The following OXR1 variants were observed in gnomAD, a reference collection of about 807,000 sequenced individuals.
OXR1 encodes the protein oxidation resistance 1.
A neutral mutation model predicts 104.6 loss-of-function variants in OXR1; 41 were observed. The ratio of observed to expected loss-of-function variants is 0.39; its 90% CI spans 0.31 to 0.51. OXR1 has a LOEUF of 0.51. OXR1 is among the 20% of genes least tolerant of loss of function. The pLI is 0.77. For missense variants in OXR1, 955 were observed against 1,031.9 expected (o/e 0.93, Z 1.02); for synonymous variants, 348 against 348.4 (o/e 1.00, Z 0.01).
chr8:106,342,423 T>G (rs1232113312), intron 1 of OXR1, among the ~76,000 whole-genome samples: 1 of 151,930 alleles, frequency 6.6e-6, no homozygotes, highest in Non-Finnish European at 1.5e-5. Flanking sequence ...GCTAATTTTT[T>G]TTTGTAATTT....
chr8:106,348,892 A>C (rs1192051638), intron 1 of OXR1, among the ~76,000 whole-genome samples: 4 of 152,206 alleles, frequency 2.6e-5, no homozygotes, highest in Non-Finnish European at 1.5e-5. Flanking sequence ...CCCAAGCGTA[A>C]TAGTTAGGTT....
At chr8:106,736,358 T>C (rs1834376312) in intron 11 of OXR1, among the ~76,000 whole-genome samples, 1 of 152,216 alleles carries the variant, frequency 6.6e-6, no homozygotes, top group African/African-American at 2.4e-5. Flanking sequence ...CAAGTTTACA[T>C]AGCTTTTCAT....
At chr8:106,724,202 G>A (rs917809047) in intron 11 of OXR1, among the ~76,000 whole-genome samples, 3 of 152,066 alleles carry the variant, frequency 2.0e-5, no homozygotes, top group African/African-American at 7.2e-5. Flanking sequence ...TAAAGGAAAA[G>A]GATTATTAAA....
chr8:106,293,092 CAGA>C (rs1323604404), intron 1 of OXR1, among the ~76,000 whole-genome samples: 3 of 152,120 alleles, frequency 2.0e-5, no homozygotes, highest in Admixed American at 2.0e-4. Context: ...TGGTAGTACA[CAGA>C]AGATTTACTG....
chr8:106,749,497 T>C (rs1835695463), intron 16 of OXR1, among the ~76,000 whole-genome samples: 1 of 152,174 alleles, frequency 6.6e-6, no homozygotes, highest in South Asian at 2.1e-4. Context: ...AATATGCTTT[T>C]CTTTTTTGTG....
At chr8:106,272,740 G>A (rs1811870328) in intron 1 of OXR1, 1 of 152,194 alleles carries the variant, frequency 6.6e-6, no homozygotes, top group Non-Finnish European at 1.5e-5. Context: ...ACATCTGTAA[G>A]GTGGGAGATT....
At chr8:106,369,914 T>A (rs1003854872) in intron 2 of OXR1, among the ~76,000 whole-genome samples, 10 of 152,150 alleles carry the variant, frequency 6.6e-5, no homozygotes, top group Non-Finnish European at 1.3e-4. Context: ...TTTAAAATAG[T>A]TTTTTTCTAA....
At chr8:106,485,820 C>A (rs1169274502) in intron 2 of OXR1, among the ~76,000 whole-genome samples, 1 of 151,912 alleles carries the variant, frequency 6.6e-6, no homozygotes, top group Non-Finnish European at 1.5e-5. Context: ...CATGGATGAA[C>A]CTGGAGGACA....
intron 2 of OXR1, among the ~76,000 whole-genome samples, chr8:106,448,645 CA>C (rs1336333441): frequency 6.6e-6 from 1 of 152,004 alleles, no homozygotes; most frequent in African/African-American, 2.4e-5. Context: ...GGTCTAGCAA[CA>C]AAAAATAATT....
intron 3 of OXR1, among the ~76,000 whole-genome samples, chr8:106,564,448 CT>C (rs2130516168): frequency 6.6e-6 from 1 of 152,064 alleles, no homozygotes; most frequent in Non-Finnish European, 1.5e-5. Flanking sequence ...ACTAAAATCC[CT>C]GAATAGACCA....
At chr8:106,461,794 G>T (rs1472355625) in intron 2 of OXR1, among the ~76,000 whole-genome samples, 1 of 150,492 alleles carries the variant, frequency 6.6e-6, no homozygotes, top group East Asian at 1.9e-4. Context: ...TAAGGAATGA[G>T]TGTTTCTATT....
chr8:106,521,583 G>A (rs1319441228), intron 3 of OXR1, among the ~76,000 whole-genome samples: 1 of 152,136 alleles, frequency 6.6e-6, no homozygotes, highest in Non-Finnish European at 1.5e-5. Flanking sequence ...TGCGATCTCG[G>A]CTCACTGCAA....
At chr8:106,367,744 T>G (rs140231863) in intron 2 of OXR1, among the ~76,000 whole-genome samples, 4 of 152,260 alleles carry the variant, frequency 2.6e-5, no homozygotes, top group East Asian at 3.9e-4. Context: ...AAGCAGCTCA[T>G]AAAGATAGAG....
At chr8:106,643,590 A>C (rs1163645280) in intron 3 of OXR1, among the ~76,000 whole-genome samples, 1 of 152,128 alleles carries the variant, frequency 6.6e-6, no homozygotes, top group African/African-American at 2.4e-5. Context: ...CAATAGTTTG[A>C]CCTAGCTTTC....
rs1258321193 is a variant in OXR1 at position 106,447,995 on chromosome 8, A to G, written c.24-70948A>G. On this transcript the variant is annotated intron_variant, in intron 2 of 16. Transcript: ENST00000517566. Reference sequence around the variant, plus strand: ...GATCCGCCCCGGCTCCCACACAGCTATAAGGTTGCCTGCCTGCCTGCACAG... The same window carrying G: ...GATCCGCCCCGGCTCCCACACAGCTGTAAGGTTGCCTGCCTGCCTGCACAG... 1.2e-5 allele frequency: 19 copies of G among 1,530,094 alleles called. 1 individual carries two copies. Among genetic ancestry groups the G allele is most frequent in the South Asian group, 2.4e-5 (2 of 84,054 alleles). 94.8% of individuals were successfully genotyped at this position (1,530,094 alleles called of 1,614,324 possible).
At chr8:106,707,691 A>C (rs2131379027) in intron 9 of OXR1, 1 of 158,300 alleles carries the variant, frequency 6.3e-6, no homozygotes, top group South Asian at 2.0e-4. Context: ...TTTATCTGTC[A>C]GTTTTCTGGT....
chr8:106,671,493 G>C (rs1826976457), intron 3 of OXR1, among the ~76,000 whole-genome samples: 1 of 152,122 alleles, frequency 6.6e-6, no homozygotes, highest in African/African-American at 2.4e-5. Context: ...GAGGATAAAA[G>C]TACCAGTTAA....
intron 2 of OXR1, among the ~76,000 whole-genome samples, chr8:106,474,045 ACAC>A (rs1246229231): frequency 6.9e-6 from 1 of 144,552 alleles, no homozygotes; most frequent in African/African-American, 2.7e-5. Flanking sequence ...ACACACACAC[ACAC>A]ACACACAGTA....
intron 1 of OXR1, among the ~76,000 whole-genome samples, chr8:106,286,149 G>A (rs1039644855): frequency 6.6e-6 from 1 of 152,098 alleles, no homozygotes; most frequent in Non-Finnish European, 1.5e-5. Flanking sequence ...TTCTCATGGA[G>A]CTTACAAAGC....
Sources: gnomAD v4.1 joint callset for allele counts (sites outside exome capture counted in the v4.1 genomes callset) on GRCh38, gnomAD v4.1.1 for gene constraint, MANE v1.5 for transcripts, NCBI Gene and HGNC (gene_info 2026-07-23, HGNC 2026-07-21) for gene names.